The following UGT1A4 variants were observed in gnomAD, a reference collection of about 807,000 sequenced individuals.
The protein encoded by UGT1A4 is UDP-glucuronosyltransferase 1A4.
Under a neutral mutation model 41.1 loss-of-function variants are expected in UGT1A4, and 32 were observed. That is an observed-to-expected ratio of 0.78 (90% CI 0.59 to 1.05). The LOEUF is 1.05. Ranked by LOEUF, UGT1A4 falls within the 50% of genes least tolerant of loss-of-function variation. The pLI is 0.00. For missense variants in UGT1A4, 748 were observed against 677.4 expected (o/e 1.10, Z -1.16); for synonymous variants, 283 against 265.1 (o/e 1.07, Z -0.66).
Position 233,719,552 on chromosome 2 carries a change from A to G in UGT1A4, c.732A>G (p.Ser244=), listed in dbSNP as rs2076779891. ...LASELFQREV[S]VVDLVSYASV... Reference sequence around the variant, plus strand: ...CTGAGCTTTTTCAGAGAGAGGTGTCAGTGGTGGATCTTGTCAGCTATGCAT... The same window carrying G: ...CTGAGCTTTTTCAGAGAGAGGTGTCGGTGGTGGATCTTGTCAGCTATGCAT... Residue 244 remains serine (S), a synonymous_variant, in exon 1 of 5, where the codon TCA becomes TCG. Coordinates refer to ENST00000373409, the MANE Select transcript of UGT1A4 (RefSeq NM_007120.3). 8 of 1,613,748 alleles carry G rather than the reference A, an allele frequency of 5.0e-6. No individual in the cohort carries two copies. Among genetic ancestry groups the G allele is most frequent in the South Asian group, 4.4e-5 (4 of 91,074 alleles).
rs762367100 is a variant in UGT1A4 at position 233,719,280 on chromosome 2, G to T, written c.460G>T (p.Val154Phe). 2.2e-5 allele frequency: 35 copies of T among 1,613,952 alleles called. No individual in the cohort carries two copies. The highest frequency in any genetic ancestry group is 5.0e-5 in the Admixed American group (3 of 59,980). Residue 154 changes from valine to phenylalanine, a missense_variant, in exon 1 of 5, where the codon GTT becomes TTT. By Grantham distance (50) the Val-to-Phe change is conservative (BLOSUM62 -1). Coordinates refer to ENST00000373409, the MANE Select transcript of UGT1A4 (RefSeq NM_007120.3). ...CTTTGATGTGGTTTTAACAGACCCC[G>T]TTAACCTCTGTGGGGCGGTGCTGGC... The part of the protein sequence containing the change: ...TSFDVVLTDP[V>F]NLCGAVLAKY...
chr2:233,747,827 G>A, intron 1 of UGT1A4: 1 of 1,613,482 alleles, frequency 6.2e-7, no homozygotes, highest in Non-Finnish European at 8.5e-7. Context: ...CAGACCACAT[G>A]ACATTCCTGC....
chr2:233,722,321 T>A (rs28899187), intron 1 of UGT1A4, among the ~76,000 whole-genome samples: 12,148 of 152,290 alleles, frequency 0.08, 622 homozygotes, highest in East Asian at 0.2. Flanking sequence ...TTGGTTTGGT[T>A]GACCCTTAGA....
In UGT1A4 at chr2:233,769,245, A is replaced by G. The variant is rs1485950559; in HGVS notation, c.1307+806A>G. 6.6e-6 allele frequency among the ~76,000 whole-genome samples: 1 copy of G among 152,268 alleles called. No homozygotes were observed. The highest frequency in any genetic ancestry group is 2.4e-5 in the African/African-American group (1 of 41,474). The stretch of plus-strand genomic sequence containing the variant: ...ATAAGAGCAAAGGAAAATTTGCTCA[A>G]ATGTGGCCCTGAAAACGATTCAAAG... On this transcript the variant is annotated intron_variant, in intron 4 of 4. Transcript: ENST00000373409. The surrounding 1 kb of genome is among the most constrained non-coding windows in gnomAD (Gnocchi z 4.4).
intron 2 of UGT1A4, among the ~76,000 whole-genome samples, chr2:233,767,644 C>T (rs983421121): frequency 2.0e-5 from 3 of 152,120 alleles, no homozygotes; most frequent in South Asian, 4.1e-4. Flanking sequence ...CACAAATTCA[C>T]GTAGTGCATA....
chr2:233,757,240 G>A (rs1051117267), intron 1 of UGT1A4, among the ~76,000 whole-genome samples: 5 of 149,398 alleles, frequency 3.3e-5, no homozygotes, highest in African/African-American at 1.2e-4. Flanking sequence ...AAGTGGTGGT[G>A]AGGTGGGGTT....
chr2:233,751,938 T>C (rs1430674262), intron 1 of UGT1A4, among the ~76,000 whole-genome samples: 3 of 152,190 alleles, frequency 2.0e-5, no homozygotes, highest in South Asian at 2.1e-4. Flanking sequence ...ATTGAAGTTA[T>C]ACTGAAAGGG....
chr2:233,760,446 G>A lies in UGT1A4; in HGVS notation c.868-6588G>A, dbSNP rs149071335. 6.1e-5 allele frequency: 98 copies of A among 1,614,210 alleles called. No homozygotes were observed. The African/African-American group carries it at 1.2e-3, about 20-fold the overall frequency. On this transcript the variant is annotated intron_variant, in intron 1 of 4. Coordinates refer to ENST00000373409, the MANE Select transcript of UGT1A4 (RefSeq NM_007120.3). ...GGGCCATCCAGCAGCTGCAGCAGAGGGGACATGAAATAGTTGTCCTAGCAC... is the reference window on the plus strand; with the variant it reads ...GGGCCATCCAGCAGCTGCAGCAGAGAGGACATGAAATAGTTGTCCTAGCAC...
chr2:233,721,854 C>A, intron 1 of UGT1A4: 1 of 513,502 alleles, frequency 1.9e-6, no homozygotes. Flanking sequence ...AGCCCCACTG[C>A]TCGGCCCTGG....
Position 233,772,408 on chromosome 2 carries a change from A to T in UGT1A4, c.1454A>T (p.Tyr485Phe). The T allele has an allele frequency of 6.2e-7, 1 of 1,614,210 alleles. No homozygotes were observed. Among genetic ancestry groups the T allele is most frequent in the Middle Eastern group, 1.6e-4 (1 of 6,062 alleles). ...CCCGCAGCCCACGACCTCACCTGGT[A>T]CCAGTACCATTCCTTGGACGTGATT... ...LRPAAHDLTW[Y>F]QYHSLDVIGF... Residue 485 changes from tyrosine to phenylalanine, a missense_variant, in exon 5 of 5, where the codon TAC (tyrosine) becomes TTC (phenylalanine). Transcript: ENST00000373409.
intron 1 of UGT1A4, among the ~76,000 whole-genome samples, chr2:233,761,453 G>A (rs1414983430): frequency 2.6e-5 from 4 of 152,196 alleles, no homozygotes. Flanking sequence ...GCTGGGTTTG[G>A]GGCACCCTGC....
At chr2:233,737,391 C>A (rs1208787903) in intron 1 of UGT1A4, among the ~76,000 whole-genome samples, 1 of 152,188 alleles carries the variant, frequency 6.6e-6, no homozygotes, top group Non-Finnish European at 1.5e-5. Context: ...TCCTTGTCTG[C>A]CAGTTTATAA....
intron 1 of UGT1A4, chr2:233,753,724 A>C (rs1430811344): frequency 6.6e-6 from 1 of 152,226 alleles, no homozygotes; most frequent in Admixed American, 6.5e-5. Flanking sequence ...CTAATTTGAT[A>C]TGCCCCAAGC....
At chr2:233,759,599 A>ACCCCCCCCCC (rs1553620419) in intron 1 of UGT1A4, among the ~76,000 whole-genome samples, 229 of 108,538 alleles carry the variant, frequency 2.1e-3, no homozygotes, top group African/African-American at 3.4e-3. Flanking sequence ...CCCACCCCCG[A>ACCCCCCCCCC]CCCGCCCCAC....
intron 4 of UGT1A4, chr2:233,770,755 A>G (rs1050140831): frequency 6.6e-6 from 1 of 152,202 alleles, no homozygotes; most frequent in Non-Finnish European, 1.5e-5. Flanking sequence ...AAGTACTAAT[A>G]TTACATTATA....
chr2:233,757,535 AAT>A (rs67292694), intron 1 of UGT1A4, among the ~76,000 whole-genome samples: 3,097 of 88,180 alleles, frequency 0.035, 322 homozygotes, highest in African/African-American at 0.14. Context: ...GCCTGTAAGG[AAT>A]ATATATATAT....
At chr2:233,727,488 T>C (rs2077620726) in intron 1 of UGT1A4, among the ~76,000 whole-genome samples, 1 of 151,840 alleles carries the variant, frequency 6.6e-6, no homozygotes, top group Non-Finnish European at 1.5e-5. Context: ...TACTTGGAGG[T>C]AGAACATGGG....
intron 1 of UGT1A4, 105 bp from the exon 2 acceptor site, chr2:233,766,928 CT>C: frequency 6.3e-7 from 1 of 1,578,028 alleles, no homozygotes; most frequent in Non-Finnish European, 8.6e-7. Flanking sequence ...ACACGCATGC[CT>C]TTAATCATAG....
At chr2:233,762,544 T>C (rs755070967) in intron 1 of UGT1A4, among the ~76,000 whole-genome samples, 100 of 152,370 alleles carry the variant, frequency 6.6e-4, no homozygotes, top group Middle Eastern at 6.8e-3. Flanking sequence ...TACCACAGTG[T>C]ATTCTGCTGG....
Sources: gnomAD v4.1 joint callset for allele counts (sites outside exome capture counted in the v4.1 genomes callset) on GRCh38, gnomAD v4.1.1 for gene constraint, Gnocchi (gnomAD v3.1) non-coding constraint, MANE v1.5 for transcripts, NCBI Gene and HGNC (gene_info 2026-07-23, HGNC 2026-07-21) for gene names.